The following EPHA3 variants were observed in gnomAD, a reference collection of about 807,000 sequenced individuals.
The protein encoded by EPHA3 is ephrin type-A receptor 3.
EPHA3 carries 42 observed loss-of-function variants against 107.1 expected under a neutral mutation model. That is an observed-to-expected ratio of 0.39 (90% confidence interval 0.31 to 0.51). EPHA3 has a LOEUF of 0.51. Among genes scored for constraint, EPHA3 ranks in the 20% least tolerant of loss-of-function variants. The pLI is 0.78. For synonymous variants in EPHA3, 461 were observed against 424.8 expected, an observed-to-expected ratio of 1.09 and a Z score of -1.05; for missense variants, 1,183 against 1,211.2, an observed-to-expected ratio of 0.98 and a Z score of 0.35.
At chr3:89,385,868 G>A (rs1364208134) in intron 5 of EPHA3, among the ~76,000 whole-genome samples, 1 of 152,162 alleles carries the variant, frequency 6.6e-6, no homozygotes, top group Non-Finnish European at 1.5e-5. Context: ...AAATGGCTTT[G>A]ACCAAAATAT....
chr3:89,333,567 AAAGGG>A (rs1210678082), intron 3 of EPHA3, among the ~76,000 whole-genome samples: 1 of 152,180 alleles, frequency 6.6e-6, no homozygotes, highest in Non-Finnish European at 1.5e-5. Context: ...ATTAGCAAGA[AAAGGG>A]TAAATAAAAC....
chr3:89,382,972 A>G (rs34406434), intron 5 of EPHA3, among the ~76,000 whole-genome samples: 8,450 of 152,334 alleles, frequency 0.055, 261 homozygotes, highest in Middle Eastern at 0.12. Context: ...GAAAATATTC[A>G]GAGTAACTTC....
chr3:89,249,060 G>A (rs187959856), intron 3 of EPHA3, among the ~76,000 whole-genome samples: 1 of 152,300 alleles, frequency 6.6e-6, no homozygotes, highest in Non-Finnish European at 1.5e-5. Flanking sequence ...GGTCCAGAGG[G>A]TAGTTCTTAC....
intron 5 of EPHA3, among the ~76,000 whole-genome samples, chr3:89,351,523 C>T (rs1246681820): frequency 1.3e-5 from 2 of 150,432 alleles, no homozygotes; most frequent in African/African-American, 4.8e-5. Context: ...GTCTGGCACT[C>T]CCTAGTGAGA....
At chr3:89,327,095 A>T (rs1348551646) in intron 3 of EPHA3, among the ~76,000 whole-genome samples, 2 of 152,250 alleles carry the variant, frequency 1.3e-5, no homozygotes, top group East Asian at 3.9e-4. Flanking sequence ...GATGCCCATG[A>T]AGTGCACTTA....
chr3:89,370,919 T>A (rs997782578), intron 5 of EPHA3, among the ~76,000 whole-genome samples: 2 of 147,750 alleles, frequency 1.4e-5, no homozygotes, highest in Non-Finnish European at 1.5e-5. Flanking sequence ...AAACTGGTAC[T>A]GCAGTTTTTC....
chr3:89,376,371 GTATATT>G (rs765273978), intron 5 of EPHA3, among the ~76,000 whole-genome samples: 47 of 151,450 alleles, frequency 3.1e-4, no homozygotes, highest in Non-Finnish European at 6.2e-4. Flanking sequence ...AACTAAAAGT[GTATATT>G]TATAATATGT....
chr3:89,380,905 A>C (rs1196502249), intron 5 of EPHA3, among the ~76,000 whole-genome samples: 1 of 151,828 alleles, frequency 6.6e-6, no homozygotes, highest in Non-Finnish European at 1.5e-5. Context: ...AGTAGCTGGG[A>C]TTACAGGTGC....
intron 5 of EPHA3, among the ~76,000 whole-genome samples, chr3:89,356,094 T>A (rs1559661898): frequency 6.7e-6 from 1 of 149,652 alleles, no homozygotes; most frequent in Non-Finnish European, 1.5e-5. Flanking sequence ...TTTGGTTTTT[T>A]GTTCTTGCGA....
chr3:89,190,871 G>A (rs536742764), intron 2 of EPHA3, among the ~76,000 whole-genome samples: 55 of 152,042 alleles, frequency 3.6e-4, no homozygotes, highest in Admixed American at 8.5e-4. Context: ...GGCCTCCGTA[G>A]TATCGAATTA....
chr3:89,267,641 T>C (rs533730102), intron 3 of EPHA3, among the ~76,000 whole-genome samples: 13 of 152,286 alleles, frequency 8.5e-5, no homozygotes, highest in Non-Finnish European at 1.3e-4. Context: ...TATTGCTGTT[T>C]AGCTATTTTT....
At chr3:89,368,190 G>T (rs370364060) in intron 5 of EPHA3, among the ~76,000 whole-genome samples, 16 of 150,376 alleles carry the variant, frequency 1.1e-4, no homozygotes, top group East Asian at 1.9e-4. Flanking sequence ...GAGGTATGGG[G>T]TTTTTTAAAA....
At chr3:89,135,636 C>T (rs189609860) in intron 2 of EPHA3, among the ~76,000 whole-genome samples, 38 of 150,940 alleles carry the variant, frequency 2.5e-4, no homozygotes, top group Admixed American at 3.3e-4. Flanking sequence ...TATATATAAA[C>T]GCATATATCT....
At chr3:89,264,465 C>T (rs1705490924) in intron 3 of EPHA3, among the ~76,000 whole-genome samples, 1 of 152,102 alleles carries the variant, frequency 6.6e-6, no homozygotes, top group Admixed American at 6.5e-5. Flanking sequence ...CTCCCTCGTA[C>T]CCCTTGCTCA....
chr3:89,251,573 G>A (rs1705168528), intron 3 of EPHA3, among the ~76,000 whole-genome samples: 1 of 152,130 alleles, frequency 6.6e-6, no homozygotes, highest in African/African-American at 2.4e-5. Context: ...GTCAGTAAAA[G>A]CTACAACTCT....
Position 89,164,343 on chromosome 3 carries a change from CTGGGCCGCA to C in EPHA3, c.153+37073_153+37081del, listed in dbSNP as rs142761500. ...GTGTTGAGCCACATTCAAAGCCATC[CTGGGCCGCA>C]TGCGGCCCACTGGCTGTGGGTTGAA... is the stretch of plus-strand genomic sequence containing the variant. On this transcript the variant is annotated intron_variant, in intron 2 of 16. Transcript: ENST00000336596. Among the ~76,000 whole-genome samples the C allele has an allele frequency of 1.9e-3, 290 of 152,324 alleles. 1 individual carries two copies. Among genetic ancestry groups the C allele is most frequent in the African/African-American group, 6.4e-3 (266 of 41,576 alleles).
intron 2 of EPHA3, among the ~76,000 whole-genome samples, chr3:89,179,568 G>A (rs1198167415): frequency 6.6e-6 from 1 of 151,724 alleles, no homozygotes; most frequent in Non-Finnish European, 1.5e-5. Flanking sequence ...GTCACTGTTG[G>A]GGCAGAGCAG....
At chr3:89,315,040 T>C (rs1403815483) in intron 3 of EPHA3, among the ~76,000 whole-genome samples, 1 of 151,860 alleles carries the variant, frequency 6.6e-6, no homozygotes, top group Non-Finnish European at 1.5e-5. Context: ...ACACTGGTAT[T>C]GTGTATCTAA....
Position 89,192,865 on chromosome 3 carries a change from A to G in EPHA3, c.154-16995A>G, listed in dbSNP as rs1039351777. Reference sequence around the variant, plus strand: ...TCAGAGTAAGTAACTGCTTTAAAATATACTGGATTTATTTAGCCTCATCAG... The same window carrying G: ...TCAGAGTAAGTAACTGCTTTAAAATGTACTGGATTTATTTAGCCTCATCAG... On this transcript the variant is annotated intron_variant, in intron 2 of 16. Transcript: ENST00000336596. Among the ~76,000 whole-genome samples, 55 of 152,242 alleles carry G rather than the reference A, an allele frequency of 3.6e-4. 1 individual carries two copies. Among genetic ancestry groups the G allele is most frequent in the African/African-American group, 1.3e-3 (55 of 41,580 alleles).
Sources: allele counts gnomAD v4.1 joint callset (sites outside exome capture counted in the v4.1 genomes callset), GRCh38; gene constraint gnomAD v4.1.1; transcripts MANE v1.5; gene names NCBI Gene and HGNC (gene_info 2026-07-23, HGNC 2026-07-21).